The following TRPM6 variants were observed in gnomAD, a reference collection of about 807,000 sequenced individuals.
TRPM6 encodes the protein channel kinase 2.
In TRPM6, 111 loss-of-function variants were observed where a neutral mutation model predicts 247.6. That is an observed-to-expected ratio of 0.45 (90% CI 0.38 to 0.52). TRPM6 has a LOEUF of 0.52. TRPM6 is among the 20% of genes least tolerant of loss of function. The pLI is 0.00. For synonymous variants in TRPM6, 892 were observed against 853.8 expected, an observed-to-expected ratio of 1.04 and a Z score of -0.78; for missense variants, 2,126 against 2,421.5, an observed-to-expected ratio of 0.88 and a Z score of 2.56.
At chr9:74,859,484 G>C (rs1169000919) in intron 1 of TRPM6, among the ~76,000 whole-genome samples, 1 of 152,164 alleles carries the variant, frequency 6.6e-6, no homozygotes, top group Non-Finnish European at 1.5e-5. Context: ...ATAAGAATAC[G>C]TGTCCTAGCT....
At chr9:74,785,582 G>A (rs1827617363) in intron 21 of TRPM6, among the ~76,000 whole-genome samples, 2 of 152,108 alleles carry the variant, frequency 1.3e-5, no homozygotes, top group South Asian at 4.1e-4. Flanking sequence ...GAGTGCAGTG[G>A]CGCAATCTCG....
chr9:74,764,103 G>A (rs1310663080), intron 25 of TRPM6, among the ~76,000 whole-genome samples: 5 of 140,932 alleles, frequency 3.5e-5, no homozygotes, highest in Non-Finnish European at 6.1e-5. Context: ...CAGCCTGGGC[G>A]ACAGAGTAAG....
rs183873629 is a variant in TRPM6, at chr9:74,834,673, T to C, written c.545-551A>G. ...CCACCCTATGTCCAAGTGTTCTCAT[T>C]GTTCAATTCCCACCTATGAGTGAGA... On this transcript the variant is annotated intron_variant, in intron 5 of 38. Coordinates refer to ENST00000360774, the MANE Select transcript of TRPM6 (RefSeq NM_017662.5). Among the ~76,000 whole-genome samples the C allele has an allele frequency of 1.2e-3, 178 of 150,932 alleles. 5 individuals are homozygous for C. The highest frequency in any genetic ancestry group is 0.012 in the Admixed American group (177 of 15,106).
intron 19 of TRPM6, among the ~76,000 whole-genome samples, chr9:74,789,580 C>G (rs1201742978): frequency 6.6e-6 from 1 of 152,176 alleles, no homozygotes; most frequent in Admixed American, 6.5e-5. Flanking sequence ...CCAAATTACA[C>G]TATTATCAAC....
intron 14 of TRPM6, among the ~76,000 whole-genome samples, chr9:74,806,506 CTT>C (rs1828532548): frequency 6.6e-6 from 1 of 152,038 alleles, no homozygotes; most frequent in Admixed American, 6.6e-5. Context: ...GAGGTGAAGA[CTT>C]TTTAAAGGCA....
At chr9:74,735,730 T>C (rs1424670736) in intron 36 of TRPM6, among the ~76,000 whole-genome samples, 1 of 152,108 alleles carries the variant, frequency 6.6e-6, no homozygotes, top group African/African-American at 2.4e-5. Flanking sequence ...CCCTCACATG[T>C]AGGATTTTTT....
At chr9:74,883,336 T>C (rs1042046809) in intron 1 of TRPM6, among the ~76,000 whole-genome samples, 1 of 152,304 alleles carries the variant, frequency 6.6e-6, no homozygotes, top group Non-Finnish European at 1.5e-5. Context: ...TTTTAATGAT[T>C]GTGATTTTAT....
At chr9:74,827,996 C>T (rs1564033155) in intron 6 of TRPM6, 47 bp from the exon 7 acceptor site, 6 of 1,582,586 alleles carry the variant, frequency 3.8e-6, no homozygotes, top group Non-Finnish European at 4.3e-6. Context: ...TAGATCCTTC[C>T]CCAGGCTCAC....
At chr9:74,852,574 C>T (rs1830368412) in intron 3 of TRPM6, among the ~76,000 whole-genome samples, 1 of 152,140 alleles carries the variant, frequency 6.6e-6, no homozygotes, top group African/African-American at 2.4e-5. Flanking sequence ...ACCATCTCGG[C>T]TCACTGCAAC....
intron 3 of TRPM6, among the ~76,000 whole-genome samples, chr9:74,847,865 A>G (rs1830161493): frequency 1.3e-5 from 2 of 152,166 alleles, no homozygotes; most frequent in Non-Finnish European, 2.9e-5. Flanking sequence ...GAAAAAATAT[A>G]TATGTAGCAG....
rs1014755507 is a variant in TRPM6, at chr9:74,771,591, T to C, written c.3536+112A>G. ...TTATATGTTGTTAAATGTTTCAAAT[T>C]ATAAAGAACTCAAACCTCTGGGATT... is the stretch of plus-strand genomic sequence containing the variant. On this transcript the variant is annotated intron_variant, in intron 25 of 38. Transcript: ENST00000360774. 12 of 1,023,866 alleles carry C rather than the reference T, an allele frequency of 1.2e-5. No individual in the cohort carries two copies. The African/African-American group carries it at 1.6e-4, about 14-fold the overall frequency. The allele number at this position is 1,023,866 out of a possible 1,614,324, so 63.4% of individuals were successfully genotyped here. A position where few individuals can be genotyped will look rare whatever the true frequency, so the allele number is the denominator to read the frequency against.
At chr9:74,862,594 G>T (rs1830722221) in intron 1 of TRPM6, among the ~76,000 whole-genome samples, 1 of 152,040 alleles carries the variant, frequency 6.6e-6, no homozygotes, top group East Asian at 1.9e-4. Flanking sequence ...CCTTGGGGAG[G>T]GATCCAAGTC....
chr9:74,871,548 T>C (rs1350026937), intron 1 of TRPM6, among the ~76,000 whole-genome samples: 1 of 152,214 alleles, frequency 6.6e-6, no homozygotes, highest in Non-Finnish European at 1.5e-5. Flanking sequence ...TGGTCATGTA[T>C]ATATATGTTA....
intron 1 of TRPM6, among the ~76,000 whole-genome samples, chr9:74,860,214 C>T (rs1195195471): frequency 6.6e-6 from 1 of 152,202 alleles, no homozygotes; most frequent in Non-Finnish European, 1.5e-5. Context: ...AATCATTTTA[C>T]TCTCTTATTC....
chr9:74,858,821 G>GT (rs1338110973), intron 1 of TRPM6, 73 bp from the exon 2 acceptor site: 2 of 1,226,898 alleles, frequency 1.6e-6, no homozygotes, highest in African/African-American at 3.0e-5. Flanking sequence ...GTTCCTGCAG[G>GT]TAAGAAATAC....
intron 38 of TRPM6, among the ~76,000 whole-genome samples, chr9:74,725,954 T>C (rs933553082): frequency 6.6e-6 from 1 of 152,184 alleles, no homozygotes; most frequent in African/African-American, 2.4e-5. Context: ...AATTAAAATG[T>C]TTGAGTTCAG....
intron 37 of TRPM6, among the ~76,000 whole-genome samples, chr9:74,728,779 T>C (rs1416149064): frequency 6.6e-6 from 1 of 152,196 alleles, no homozygotes; most frequent in Non-Finnish European, 1.5e-5. Flanking sequence ...ATAGACATTG[T>C]TTCAAACCCA....
chr9:74,727,965 T>G (rs1045702512), intron 38 of TRPM6, among the ~76,000 whole-genome samples: 13 of 152,094 alleles, frequency 8.5e-5, no homozygotes, highest in Admixed American at 4.6e-4. Context: ...TCAGATTTCA[T>G]CCCATTTAAG....
At chr9:74,869,160 TG>T (rs1232913292) in intron 1 of TRPM6, among the ~76,000 whole-genome samples, 1 of 152,136 alleles carries the variant, frequency 6.6e-6, no homozygotes, top group African/African-American at 2.4e-5. Context: ...AGGTAGTTAG[TG>T]TAAGATTCTC....
Sources: gnomAD v4.1 joint callset for allele counts (sites outside exome capture counted in the v4.1 genomes callset) on GRCh38, gnomAD v4.1.1 for gene constraint, MANE v1.5 for transcripts, NCBI Gene and HGNC (gene_info 2026-07-23, HGNC 2026-07-21) for gene names.